The following POLRMT variants were observed in gnomAD, a reference collection of about 807,000 sequenced individuals.
POLRMT encodes the protein DNA-directed RNA polymerase, mitochondrial.
POLRMT carries 114 observed loss-of-function variants against 132.2 expected under a neutral mutation model. The ratio of observed to expected loss-of-function variants is 0.86; its 90% confidence interval spans 0.74 to 1.01. The LOEUF (loss-of-function observed/expected upper bound fraction) is 1.01, where lower values mean the gene tolerates loss of function less well. Among genes scored for constraint, POLRMT ranks in the 50% least tolerant of loss-of-function variants. The pLI, the probability that POLRMT is intolerant of heterozygous loss-of-function variation, is 0.00. For synonymous variants in POLRMT, 1,020 were observed against 773.4 expected, an observed-to-expected ratio of 1.32 and a Z score of -5.29; for missense variants, 2,003 against 1,729.1, an observed-to-expected ratio of 1.16 and a Z score of -2.81.
chr19:625,825 C>A (rs988901626), intron 3 of POLRMT, among the ~76,000 whole-genome samples: 1 of 151,978 alleles, frequency 6.6e-6, no homozygotes, highest in East Asian at 1.9e-4. Flanking sequence ...GCCTCAGCCT[C>A]CTGAGTAGCT....
At chr19:618,817 A>G (rs546841967) in intron 15 of POLRMT, 57 bp from the exon 16 acceptor site, 330 of 1,530,630 alleles carry the variant, frequency 2.2e-4, no homozygotes, top group Non-Finnish European at 2.6e-4. Context: ...GTGGTGGTAC[A>G]TTGAGGTGGT....
chr19:618,764 A>C lies in POLRMT; in HGVS notation c.3268-4T>G, dbSNP rs565631693. 1.0e-4 allele frequency: 161 copies of C among 1,597,556 alleles called. 2 individuals are homozygous for C. The South Asian group carries it at 1.8e-3, about 17-fold the overall frequency. ...TCTGAATTCCACCTCCTATTTGCTA[A>C]AAAGGGGAAGGGGCCGGTGAGTCCC... On this transcript the variant is annotated splice_region_variant and splice_polypyrimidine_tract_variant and intron_variant, in intron 15 of 20. Transcript: ENST00000588649.
chr19:618,577 G>C lies in POLRMT; in HGVS notation c.3333C>G (p.Asn1111Lys). The C allele has an allele frequency of 6.2e-7, 1 of 1,612,804 alleles. No homozygotes were observed. The highest frequency in any genetic ancestry group is 8.5e-7 in the Non-Finnish European group (1 of 1,179,048). Residue 1111 changes from asparagine to lysine, a missense_variant, in exon 17 of 21, where the codon AAC (asparagine) becomes AAG (lysine). Physicochemically the swap from Asn to Lys is moderately conservative, Grantham distance 94 (BLOSUM62 0). Coordinates refer to ENST00000588649, the MANE Select transcript of POLRMT (RefSeq NM_005035.4). ...THNGDISRKP[N>K]TRKQKNGFPP... ...GGAAGCCGTTCTTCTGCTTACGTGTGTTGGGCTTTCTGAGGACGGAACAGG... is the reference window on the plus strand; with the variant it reads ...GGAAGCCGTTCTTCTGCTTACGTGTCTTGGGCTTTCTGAGGACGGAACAGG...
intron 9 of POLRMT, 99 bp downstream of exon 9, chr19:622,050 T>C: frequency 8.1e-7 from 1 of 1,238,656 alleles, no homozygotes; most frequent in Admixed American, 2.4e-5. Context: ...TACTGACGGC[T>C]GCGCTGAGAT....
Position 617,420 on chromosome 19 carries a change from T to C in POLRMT, c.3642A>G (p.Pro1214=), listed in dbSNP as rs373676953. 1.9e-6 allele frequency: 3 copies of C among 1,611,186 alleles called. No individual in the cohort carries two copies. Among genetic ancestry groups the C allele is most frequent in the African/African-American group, 1.3e-5 (1 of 74,732 alleles). Residue 1214 remains proline (P), a splice_region_variant and synonymous_variant, in exon 20 of 21, where the codon CCA becomes CCG. Coordinates refer to ENST00000588649, the MANE Select transcript of POLRMT (RefSeq NM_005035.4). ...TTGCGAGGCTGCCCACCCGCCTACC[T>C]GGCTTGGGCACCGCCTGCAGTGTCT... ...LKETLQAVPK[P]GAFDLEQVKR...
At chr19:630,698 G>GCA (rs1985350732) in intron 2 of POLRMT, among the ~76,000 whole-genome samples, 2 of 152,130 alleles carry the variant, frequency 1.3e-5, no homozygotes, top group Non-Finnish European at 2.9e-5. Context: ...CCCAGCTGGT[G>GCA]GAGCTGCCAC....
intron 2 of POLRMT, among the ~76,000 whole-genome samples, 169 bp downstream of exon 2, chr19:632,665 G>A (rs556345267): frequency 1.8e-4 from 28 of 152,188 alleles, no homozygotes; most frequent in Non-Finnish European, 3.5e-4. Context: ...GCAAGGACAG[G>A]GCCCATGAGC....
At chr19:620,176 T>C in intron 11 of POLRMT, 96 bp from the exon 12 acceptor site, 1 of 1,497,906 alleles carries the variant, frequency 6.7e-7, no homozygotes, top group Non-Finnish European at 8.9e-7. Context: ...CCTAGGGCCG[T>C]GCACCCCCCA....
In POLRMT at chr19:621,226, C is replaced by T; in HGVS notation, c.2472G>A (p.Leu824=). 2 of 1,609,458 alleles carry T rather than the reference C, an allele frequency of 1.2e-6. No homozygotes were observed. The highest frequency in any genetic ancestry group is 1.7e-6 in the Non-Finnish European group (2 of 1,178,126). The change falls in exon 10 of 21, where the codon CTG becomes CTA. Residue 824 remains leucine (L), a synonymous_variant. Coordinates refer to ENST00000588649, the MANE Select transcript of POLRMT (RefSeq NM_005035.4). ...NHLGSDVARA[L]LEFAQGRPLG... Reference sequence around the variant, plus strand: ...GCGGGCGGCCCTGGGCGAACTCCAGCAGGGCCCGCGCCACGTCGCTGCCCA... The same window carrying T: ...GCGGGCGGCCCTGGGCGAACTCCAGTAGGGCCCGCGCCACGTCGCTGCCCA...
Position 618,355 on chromosome 19 carries a change from G to T in POLRMT, c.3422+133C>A. 5.7e-6 allele frequency: 4 copies of T among 700,604 alleles called. No homozygotes were observed. In the South Asian group the frequency reaches 5.8e-5, roughly 10 times the overall value. 43.4% of individuals were successfully genotyped at this position (700,604 alleles called of 1,614,324 possible). A position where few individuals can be genotyped will look rare whatever the true frequency, so the allele number is the denominator to read the frequency against. ...ACACAGCCTCAGGGCCTCTACACAG[G>T]CCCCACAGACACAGCAGATCCACTC... On this transcript the variant is annotated intron_variant, in intron 17 of 20. Coordinates refer to ENST00000588649, the MANE Select transcript of POLRMT (RefSeq NM_005035.4).
At chr19:617,346 G>A (rs371321784) in intron 20 of POLRMT, 23 bp from the exon 21 acceptor site, 114 of 1,612,562 alleles carry the variant, frequency 7.1e-5, no homozygotes, top group Middle Eastern at 5.0e-4. Context: ...CAGAGCGGAC[G>A]GCGTGGGTGG....
intron 17 of POLRMT, 118 bp from the exon 18 acceptor site, chr19:617,967 G>C (rs746517573): frequency 2.6e-4 from 221 of 844,608 alleles, no homozygotes; most frequent in Non-Finnish European, 3.9e-4. Context: ...CCACCCTCCT[G>C]CAGGCCTCGC....
chr19:622,042 C>A (rs1984651850), intron 9 of POLRMT, 107 bp downstream of exon 9: 3 of 1,216,780 alleles, frequency 2.5e-6, no homozygotes, highest in Non-Finnish European at 3.4e-6. Context: ...CTGGGAGGTA[C>A]TGACGGCTGC....
At chr19:625,517 T>C in intron 3 of POLRMT, 2 of 432,604 alleles carry the variant, frequency 4.6e-6, no homozygotes, top group South Asian at 3.8e-5. Flanking sequence ...ACCTCCAGAT[T>C]TGTCAATTGT....
chr19:622,387 C>T lies in POLRMT; in HGVS notation c.1627-14G>A, dbSNP rs993023802. ...GGGCTCGGGCACCTGTAGGACAGGG[C>T]GGTCAGGGCGCTGGGCACCGGGGCC... On this transcript the variant is annotated splice_polypyrimidine_tract_variant and intron_variant, in intron 8 of 20. Coordinates refer to ENST00000588649, the MANE Select transcript of POLRMT (RefSeq NM_005035.4). The T allele has an allele frequency of 5.2e-6, 8 of 1,536,406 alleles. No individual in the cohort carries two copies. In the East Asian group the frequency reaches 1.5e-4, roughly 28 times the overall value.
chr19:618,813 G>A lies in POLRMT; in HGVS notation c.3268-53C>T, dbSNP rs528376630. ...CCACCCGAGGCCCAGCACGGTGGTGGTACATTGAGGTGGTGGTACACTGGG... is the reference window on the plus strand; with the variant it reads ...CCACCCGAGGCCCAGCACGGTGGTGATACATTGAGGTGGTGGTACACTGGG... On this transcript the variant is annotated intron_variant, in intron 15 of 20. Coordinates refer to ENST00000588649, the MANE Select transcript of POLRMT (RefSeq NM_005035.4). 6.4e-5 allele frequency: 98 copies of A among 1,531,300 alleles called. 1 individual carries two copies. The South Asian group carries it at 1.1e-3, about 17-fold the overall frequency. 94.9% of individuals were successfully genotyped at this position (1,531,300 alleles called of 1,614,324 possible).
At position 630,176 on chromosome 19, in the gene POLRMT, G is replaced by A. The variant is rs199879839; in HGVS notation, c.194-8C>T. The A allele has an allele frequency of 1.1e-4, 179 of 1,576,884 alleles. 3 individuals carry two copies. The East Asian group carries it at 2.7e-3, about 24-fold the overall frequency. ...GCACCCGCGCCTGGAGCACTGTGAG[G>A]GGCAGAAGGCGAGGACATGAGAGGG... On this transcript the variant is annotated splice_region_variant and splice_polypyrimidine_tract_variant and intron_variant, in intron 2 of 20. Transcript: ENST00000588649.
intron 3 of POLRMT, chr19:625,456 G>C: frequency 1.6e-6 from 1 of 606,420 alleles, no homozygotes; most frequent in Non-Finnish European, 2.8e-6. Flanking sequence ...CGCATGGCCC[G>C]CCAGGTGGGA....
intron 3 of POLRMT, 28 bp from the exon 4 acceptor site, chr19:625,282 T>TG (rs756643606): frequency 6.2e-7 from 1 of 1,612,066 alleles, no homozygotes. Flanking sequence ...GGTGAGGGTC[T>TG]GGGGGGATGG....
Sources: allele counts gnomAD v4.1 joint callset (sites outside exome capture counted in the v4.1 genomes callset), GRCh38; gene constraint gnomAD v4.1.1; transcripts MANE v1.5; gene names NCBI Gene and HGNC (gene_info 2026-07-23, HGNC 2026-07-21).